Variants in NDUFAF2 observed in about 807,000 individuals in gnomAD.
NDUFAF2 encodes the protein NADH dehydrogenase [ubiquinone] 1 alpha subcomplex assembly factor 2.
In NDUFAF2, 13 loss-of-function variants were observed where a neutral mutation model predicts 22.8. The ratio of observed to expected loss-of-function variants is 0.57; its 90% confidence interval spans 0.37 to 0.91. The LOEUF (loss-of-function observed/expected upper bound fraction) is 0.91, where lower values mean the gene tolerates loss of function less well. NDUFAF2 is among the 40% of genes least tolerant of loss of function. The pLI is 0.01. For missense variants in NDUFAF2, 162 were observed against 195.2 expected (o/e 0.83, Z 1.01); for synonymous variants, 53 against 64.2 (o/e 0.83, Z 0.84).
At chr5:60,994,994 C>T (rs959575052) in intron 1 of NDUFAF2, among the ~76,000 whole-genome samples, 1 of 152,100 alleles carries the variant, frequency 6.6e-6, no homozygotes, top group Non-Finnish European at 1.5e-5. Context: ...CTGCTGCATT[C>T]TTCAGTATGC....
chr5:60,949,851 T>G (rs1750519465), intron 1 of NDUFAF2, among the ~76,000 whole-genome samples: 1 of 152,196 alleles, frequency 6.6e-6, no homozygotes, highest in Non-Finnish European at 1.5e-5. Flanking sequence ...TTATTATAAA[T>G]GATGCTTTAA....
intron 1 of NDUFAF2, among the ~76,000 whole-genome samples, chr5:61,071,561 G>A (rs1182015897): frequency 6.6e-6 from 1 of 152,222 alleles, no homozygotes; most frequent in Non-Finnish European, 1.5e-5. Context: ...GGTAGTGTAG[G>A]AGAGAGATTT....
At chr5:61,042,157 A>T (rs1350646198) in intron 1 of NDUFAF2, among the ~76,000 whole-genome samples, 1 of 152,222 alleles carries the variant, frequency 6.6e-6, no homozygotes, top group African/African-American at 2.4e-5. Context: ...GCCATAGGAG[A>T]TTATTTAACC....
chr5:61,128,384 C>T, intron 3 of NDUFAF2, among the ~76,000 whole-genome samples: 1 of 152,164 alleles, frequency 6.6e-6, no homozygotes, highest in Non-Finnish European at 1.5e-5. Context: ...CATCACGCTA[C>T]CTGACTTCAA....
rs201946731 is a variant in NDUFAF2 at position 61,107,764 on chromosome 5, C to G, written c.258+8732C>G. Among the ~76,000 whole-genome samples the G allele has an allele frequency of 5.6e-4, 84 of 149,852 alleles. No homozygotes were observed. In the East Asian group the frequency reaches 0.014, roughly 26 times the overall value. On this transcript the variant is annotated intron_variant, in intron 3 of 3. Coordinates refer to ENST00000296597, the MANE Select transcript of NDUFAF2 (RefSeq NM_174889.5). ...ACGTGCCATGCTGGTGCGCTGCACC[C>G]ACTAACTCGTCATCTAGCATTAGGT...
chr5:61,069,556 A>G (rs1344573766), intron 1 of NDUFAF2, among the ~76,000 whole-genome samples: 1 of 152,176 alleles, frequency 6.6e-6, no homozygotes, highest in Non-Finnish European at 1.5e-5. Context: ...AAATCACTGT[A>G]AAGAAAAATA....
At chr5:61,008,346 T>G (rs182763938) in intron 1 of NDUFAF2, among the ~76,000 whole-genome samples, 121 of 152,194 alleles carry the variant, frequency 8.0e-4, no homozygotes, top group African/African-American at 2.8e-3. Context: ...CCTTGATAAT[T>G]GATGTTACTA....
Position 61,137,137 on chromosome 5 carries a change from G to A in NDUFAF2, c.259-15567G>A, listed in dbSNP as rs183713220. Among the ~76,000 whole-genome samples the A allele has an allele frequency of 6.5e-4, 99 of 151,984 alleles. 2 individuals carry two copies. The highest frequency in any genetic ancestry group is 2.3e-3 in the African/African-American group (94 of 41,438). On this transcript the variant is annotated intron_variant, in intron 3 of 3. Coordinates refer to ENST00000296597, the MANE Select transcript of NDUFAF2 (RefSeq NM_174889.5). Reference sequence around the variant, plus strand: ...TTTTTCCCTTACCTCTTAAATTTTGGTGGTCCACATGAAGTATCTGTTCTT... The same window carrying A: ...TTTTTCCCTTACCTCTTAAATTTTGATGGTCCACATGAAGTATCTGTTCTT...
At chr5:61,063,848 GA>G (rs1261772991) in intron 1 of NDUFAF2, among the ~76,000 whole-genome samples, 1 of 151,916 alleles carries the variant, frequency 6.6e-6, no homozygotes, top group African/African-American at 2.4e-5. Context: ...AAAACAACCA[GA>G]AAACAAATAG....
chr5:61,080,882 T>C (rs1752432509), intron 2 of NDUFAF2, among the ~76,000 whole-genome samples: 1 of 152,180 alleles, frequency 6.6e-6, no homozygotes. Context: ...TTATCATTTT[T>C]TTCTTTTATA....
chr5:60,951,620 A>G (rs1750550075), intron 1 of NDUFAF2, among the ~76,000 whole-genome samples: 1 of 152,150 alleles, frequency 6.6e-6, no homozygotes, highest in Admixed American at 6.5e-5. Context: ...ATTTTATTGA[A>G]GAATTTTGTT....
intron 1 of NDUFAF2, among the ~76,000 whole-genome samples, chr5:60,991,301 A>G (rs1396828454): frequency 6.6e-6 from 1 of 152,188 alleles, no homozygotes; most frequent in Non-Finnish European, 1.5e-5. Context: ...ATTTTCTTAT[A>G]CATTTATACT....
At chr5:61,029,320 T>G (rs899535195) in intron 1 of NDUFAF2, among the ~76,000 whole-genome samples, 17 of 152,192 alleles carry the variant, frequency 1.1e-4, no homozygotes, top group Non-Finnish European at 1.8e-4. Flanking sequence ...GGTACAAGAT[T>G]TTTTGATTGC....
intron 1 of NDUFAF2, among the ~76,000 whole-genome samples, chr5:60,951,794 A>G (rs950515574): frequency 3.3e-5 from 5 of 152,110 alleles, no homozygotes; most frequent in South Asian, 2.1e-4. Flanking sequence ...CATGTTGGAT[A>G]TAAATTGCCT....
chr5:60,969,486 T>C (rs1330720189), intron 1 of NDUFAF2, among the ~76,000 whole-genome samples: 2 of 152,202 alleles, frequency 1.3e-5, no homozygotes, highest in Non-Finnish European at 2.9e-5. Flanking sequence ...CCTTTTCATA[T>C]ACCTGTTTGC....
intron 1 of NDUFAF2, among the ~76,000 whole-genome samples, chr5:60,976,619 G>A (rs1222428341): frequency 1.3e-5 from 2 of 152,060 alleles, no homozygotes; most frequent in Non-Finnish European, 2.9e-5. Flanking sequence ...GTTTCTTTGA[G>A]GATATAAAAG....
intron 3 of NDUFAF2, among the ~76,000 whole-genome samples, chr5:61,103,770 T>C (rs917310300): frequency 6.6e-6 from 1 of 152,144 alleles, no homozygotes; most frequent in Non-Finnish European, 1.5e-5. Flanking sequence ...GAATTCACAT[T>C]TACCTGCAGG....
intron 1 of NDUFAF2, among the ~76,000 whole-genome samples, chr5:61,042,393 A>G (rs1296736058): frequency 6.6e-6 from 1 of 152,214 alleles, no homozygotes; most frequent in Non-Finnish European, 1.5e-5. Context: ...TTTGTAGAAT[A>G]AACTATTTGT....
chr5:60,971,600 T>C (rs1289229878), intron 1 of NDUFAF2, among the ~76,000 whole-genome samples: 1 of 151,540 alleles, frequency 6.6e-6, no homozygotes, highest in East Asian at 2.0e-4. Context: ...CCCCTAATGC[T>C]ATCCCTCCCC....
Sources: allele counts gnomAD v4.1 joint callset (sites outside exome capture counted in the v4.1 genomes callset), GRCh38; gene constraint gnomAD v4.1.1; transcripts MANE v1.5; gene names NCBI Gene and HGNC (gene_info 2026-07-23, HGNC 2026-07-21).